The following KCNA2 variants were observed in gnomAD, a reference collection of about 807,000 sequenced individuals.
KCNA2 encodes the protein potassium channel, voltage gated shaker related subfamily A, member 2.
KCNA2 carries 11 observed loss-of-function variants against 33.4 expected under a neutral mutation model. That is an observed-to-expected ratio of 0.33 (90% CI 0.21 to 0.55). The LOEUF is 0.55. Among genes scored for constraint, KCNA2 ranks in the 20% least tolerant of loss-of-function variants. The pLI, the probability that KCNA2 is intolerant of heterozygous loss-of-function variation, is 0.93. For missense variants in KCNA2, 291 were observed against 621.6 expected (o/e 0.47, Z 5.66); for synonymous variants, 222 against 231.3 (o/e 0.96, Z 0.37).
Position 110,601,792 on chromosome 1 carries a change from ATATGTGTG to A in KCNA2, c.*1483_*1490del, listed in dbSNP as rs1175068963. 6.3e-5 allele frequency: 70 copies of A among 1,109,698 alleles called. No individual in the cohort carries two copies. The African/African-American group carries it at 7.0e-4, about 11-fold the overall frequency. 68.7% of individuals were successfully genotyped at this position (1,109,698 alleles called of 1,614,324 possible). The stretch of plus-strand genomic sequence containing the variant: ...CCAGAAAATGAATATATATATATAT[ATATGTGTG>A]TGTGTGTGTGTGTGTGTGTGTGTGT... On this transcript the variant is annotated 3_prime_UTR_variant, in exon 3 of 3. Coordinates refer to ENST00000316361, the MANE Select transcript of KCNA2 (RefSeq NM_004974.4).
At chr1:110,620,053 CGAGAGAGA>C (rs3050013) in intron 1 of KCNA2, among the ~76,000 whole-genome samples, 119 of 126,828 alleles carry the variant, frequency 9.4e-4, no homozygotes, top group Middle Eastern at 4.4e-3. Context: ...AGAGCGAGAG[CGAGAGAGA>C]GAGAGAGAGA....
Position 110,601,826 on chromosome 1 carries a change from G to GTGTA in KCNA2, c.*1453_*1456dup. ...TGTGTGTGTGTGTGTGTGTGTGTGTGTGTATACATATACACACATATGTAT... is the reference window on the plus strand; with the variant it reads ...TGTGTGTGTGTGTGTGTGTGTGTGTGTGTATGTATACATATACACACATATGTAT... On this transcript the variant is annotated 3_prime_UTR_variant, in exon 3 of 3. Transcript: ENST00000316361. The GTGTA allele has an allele frequency of 1.5e-6, 2 of 1,316,482 alleles. No individual in the cohort carries two copies. Among genetic ancestry groups the GTGTA allele is most frequent in the Non-Finnish European group, 1.9e-6 (2 of 1,028,524 alleles). 81.6% of individuals were successfully genotyped at this position (1,316,482 alleles called of 1,614,324 possible). A position where few individuals can be genotyped will look rare whatever the true frequency, so the allele number is the denominator to read the frequency against.
chr1:110,627,333 C>T (rs1650423285), intron 1 of KCNA2, among the ~76,000 whole-genome samples: 1 of 152,228 alleles, frequency 6.6e-6, no homozygotes, highest in African/African-American at 2.4e-5. Flanking sequence ...CGGCACACCG[C>T]TTGGCACATA....
intron 1 of KCNA2, among the ~76,000 whole-genome samples, chr1:110,623,792 G>A (rs1286514917): frequency 6.6e-6 from 1 of 152,092 alleles, no homozygotes; most frequent in African/African-American, 2.4e-5. Context: ...ATTTAAAAAT[G>A]GGCAAGATAA....
intron 1 of KCNA2, among the ~76,000 whole-genome samples, chr1:110,622,396 T>C (rs937073120): frequency 6.6e-6 from 1 of 152,140 alleles, no homozygotes; most frequent in Admixed American, 6.5e-5. Context: ...TTATACTTAA[T>C]GATGAAAGAC....
chr1:110,604,484 C>T lies in KCNA2; in HGVS notation c.299G>A (p.Arg100Gln), dbSNP rs1649509246. ...YYYQSGGRLRRPVNVPLDIFS... is the reference protein window; with the variant it reads ...YYYQSGGRLRQPVNVPLDIFS... Reference sequence around the variant, plus strand: ...TATATCTAAGGGCACATTCACAGGTCGCCTCAATCGGCCCCCTGACTGGTA... The same window carrying T: ...TATATCTAAGGGCACATTCACAGGTTGCCTCAATCGGCCCCCTGACTGGTA... Residue 100 changes from arginine (R) to glutamine (Q), a missense_variant, in exon 3 of 3, where the codon CGA (arginine) becomes CAA (glutamine). By Grantham distance (43) the Arg-to-Gln change is conservative (BLOSUM62 1). Around this residue, in one of 5 missense-constraint regions of KCNA2, gnomAD observed 163 missense variants for 273.5 expected, o/e 0.60. Transcript: ENST00000316361. The surrounding 1 kb of genome is among the most constrained non-coding windows in gnomAD (Gnocchi z 7.6). 2 of 1,614,192 alleles carry T rather than the reference C, an allele frequency of 1.2e-6. No homozygotes were observed. The highest frequency in any genetic ancestry group is 1.1e-5 in the South Asian group (1 of 91,074).
At chr1:110,629,564 T>C (rs1352207239) in intron 1 of KCNA2, among the ~76,000 whole-genome samples, 2 of 152,164 alleles carry the variant, frequency 1.3e-5, no homozygotes, top group Non-Finnish European at 2.9e-5. Context: ...ACTCTCTCCT[T>C]CCCCTGTGTG....
chr1:110,624,765 C>G (rs1285243225), intron 1 of KCNA2, among the ~76,000 whole-genome samples: 2 of 151,980 alleles, frequency 1.3e-5, no homozygotes, highest in African/African-American at 2.4e-5. Context: ...TTTCAATAAT[C>G]TGCACTACAT....
chr1:110,620,087 AGT>A (rs1416552764), intron 1 of KCNA2, among the ~76,000 whole-genome samples: 1,376 of 133,606 alleles, frequency 0.01, 11 homozygotes, highest in South Asian at 0.028. Context: ...AGAGAGAGAG[AGT>A]GAGTGAGAGA....
In KCNA2 at chr1:110,603,189, G is replaced by C. The variant is rs190028583; in HGVS notation, c.*94C>G. 5.2e-5 allele frequency: 78 copies of C among 1,512,518 alleles called. No homozygotes were observed. In the African/African-American group the frequency reaches 9.9e-4, roughly 19 times the overall value. 93.7% of individuals were successfully genotyped at this position (1,512,518 alleles called of 1,614,324 possible). On this transcript the variant is annotated 3_prime_UTR_variant, in exon 3 of 3. Coordinates refer to ENST00000316361, the MANE Select transcript of KCNA2 (RefSeq NM_004974.4). This position sits in a 1 kb window ranked among gnomAD's most constrained non-coding sequence, Gnocchi z 5.7. ...AACTATTGCTTTCCATGCAGAACCAGATACACACTGTAGAACACACTGACT... is the reference window on the plus strand; with the variant it reads ...AACTATTGCTTTCCATGCAGAACCACATACACACTGTAGAACACACTGACT...
At position 110,594,071 on chromosome 1, in the gene KCNA2, C is replaced by T; in HGVS notation, c.*9212G>A. 6.9e-7 allele frequency: 1 copy of T among 1,449,026 alleles called. No individual in the cohort carries two copies. The highest frequency in any genetic ancestry group is 9.1e-7 in the Non-Finnish European group (1 of 1,104,790). 89.8% of individuals were successfully genotyped at this position (1,449,026 alleles called of 1,614,324 possible). A position where few individuals can be genotyped will look rare whatever the true frequency, so the allele number is the denominator to read the frequency against. ...ACCCCAGTTCCCTTTCGGCATCATC[C>T]TTACGAAGCTTTACCATCAGCCTTG... On this transcript the variant is annotated 3_prime_UTR_variant, in exon 3 of 3. Coordinates refer to ENST00000316361, the MANE Select transcript of KCNA2 (RefSeq NM_004974.4).
At position 110,601,808 on chromosome 1, in the gene KCNA2, G is replaced by GTA; in HGVS notation, c.*1474_*1475insTA. 7.9e-7 allele frequency: 1 copy of GTA among 1,270,902 alleles called. No homozygotes were observed. Among genetic ancestry groups the GTA allele is most frequent in the South Asian group, 2.9e-5 (1 of 34,936 alleles). 78.7% of individuals were successfully genotyped at this position (1,270,902 alleles called of 1,614,324 possible). A position where few individuals can be genotyped will look rare whatever the true frequency, so the allele number is the denominator to read the frequency against. On this transcript the variant is annotated 3_prime_UTR_variant, in exon 3 of 3. Coordinates refer to ENST00000316361, the MANE Select transcript of KCNA2 (RefSeq NM_004974.4). ...TATATATATATATGTGTGTGTGTGT[G>GTA]TGTGTGTGTGTGTGTGTGTGTATAC...
Position 110,624,001 on chromosome 1 carries a change from T to C in KCNA2, c.-496+7394A>G, listed in dbSNP as rs1650326290. Among the ~76,000 whole-genome samples, 3 of 151,992 alleles carry C rather than the reference T, an allele frequency of 2.0e-5. No individual in the cohort carries two copies. In the South Asian group the frequency reaches 6.2e-4, roughly 31 times the overall value. The stretch of plus-strand genomic sequence containing the variant: ...AATATAAAAGACTGAGGATAACATC[T>C]GTTGGTGAGAATAGGGAGAAATTGA... On this transcript the variant is annotated intron_variant, in intron 1 of 4. Transcript: ENST00000369770.
At chr1:110,609,530 G>A (rs1232264172), upstream of KCNA2, among the ~76,000 whole-genome samples, 1 of 152,134 alleles carries the variant, frequency 6.6e-6, no homozygotes, top group Non-Finnish European at 1.5e-5. Flanking sequence ...GTGATTCTAG[G>A]ACATGTGCCC....
Position 110,595,000 on chromosome 1 carries a change from T to C in KCNA2, c.*8283A>G. The C allele has an allele frequency of 2.0e-6, 2 of 985,432 alleles. No individual in the cohort carries two copies. Among genetic ancestry groups the C allele is most frequent in the Non-Finnish European group, 2.4e-6 (2 of 829,940 alleles). 61.0% of individuals were successfully genotyped at this position (985,432 alleles called of 1,614,324 possible). A position where few individuals can be genotyped will look rare whatever the true frequency, so the allele number is the denominator to read the frequency against. ...TTTCTCTAGCAGCCCAGAGCATTTA[T>C]TCACTCATACAAACAAGGCATTCGG... On this transcript the variant is annotated 3_prime_UTR_variant, in exon 3 of 3. Transcript: ENST00000316361.
chr1:110,615,609 C>G (rs1324130280), intron 1 of KCNA2, among the ~76,000 whole-genome samples: 3 of 152,190 alleles, frequency 2.0e-5, no homozygotes, highest in Non-Finnish European at 1.5e-5. Context: ...CTTGGCACTA[C>G]TTGTTAGTGT....
upstream of KCNA2, among the ~76,000 whole-genome samples, chr1:110,609,502 G>T (rs1490363441): frequency 2.0e-5 from 3 of 152,296 alleles, no homozygotes; most frequent in Middle Eastern, 6.8e-3. Context: ...GTGACTCTAG[G>T]ACTGGAATTA....
chr1:110,599,374 C>G lies in KCNA2; in HGVS notation c.*3909G>C. 1 of 985,336 alleles carries G rather than the reference C, an allele frequency of 1.0e-6. No individual in the cohort carries two copies. Among genetic ancestry groups the G allele is most frequent in the African/African-American group, 1.7e-5 (1 of 57,316 alleles). 61.0% of individuals were successfully genotyped at this position (985,336 alleles called of 1,614,324 possible). ...CTCTAAAAAGTGTTAGCTTGCTTAG[C>G]CTTAGATGTATGTTCTTAATCACTT... On this transcript the variant is annotated 3_prime_UTR_variant, in exon 3 of 3. Coordinates refer to ENST00000316361, the MANE Select transcript of KCNA2 (RefSeq NM_004974.4).
chr1:110,597,603 C>T lies in KCNA2; in HGVS notation c.*5680G>A. On this transcript the variant is annotated 3_prime_UTR_variant, in exon 3 of 3. Transcript: ENST00000316361. ...CTGCATCTTAGCATATGTGTCCATT[C>T]CAGAAGGAGGTCAGATCTCAAGAGG... The T allele has an allele frequency of 4.1e-6, 4 of 985,332 alleles. No individual in the cohort carries two copies. Among genetic ancestry groups the T allele is most frequent in the Non-Finnish European group, 4.8e-6 (4 of 829,932 alleles). 61.0% of individuals were successfully genotyped at this position (985,332 alleles called of 1,614,324 possible). A position where few individuals can be genotyped will look rare whatever the true frequency, so the allele number is the denominator to read the frequency against.
Sources: allele counts gnomAD v4.1 joint callset (sites outside exome capture counted in the v4.1 genomes callset), GRCh38; gene constraint gnomAD v4.1.1; regional missense constraint gnomAD v4.1.1; non-coding constraint Gnocchi (gnomAD v3.1); transcripts MANE v1.5; gene names NCBI Gene and HGNC (gene_info 2026-07-23, HGNC 2026-07-21).